Variants in SLC14A2 observed in about 807,000 individuals in gnomAD.
SLC14A2 encodes solute carrier family 14 member 2, also known as urea transporter 2.
In SLC14A2, 91 loss-of-function variants were observed where a neutral mutation model predicts 104.6. The ratio of observed to expected loss-of-function variants is 0.87; its 90% CI spans 0.73 to 1.04. The LOEUF is 1.04. SLC14A2 is among the 50% of genes least tolerant of loss of function. The pLI, the probability that SLC14A2 is intolerant of heterozygous loss-of-function variation, is 0.00. For missense variants in SLC14A2, 1,189 were observed against 1,156.0 expected (o/e 1.03, Z -0.41); for synonymous variants, 476 against 466.4 (o/e 1.02, Z -0.27).
rs530514821 is a variant in SLC14A2 at position 45,551,608 on chromosome 18, T to C, written c.-35+68286T>C. 1.2e-4 allele frequency among the ~76,000 whole-genome samples: 19 copies of C among 152,284 alleles called. No individual in the cohort carries two copies. The East Asian group carries it at 3.5e-3, about 28-fold the overall frequency. ...AAGTGAGATGTGTCAACATGAGGGC[T>C]ATCAAGTAGGGAGGCTGTAAGATGA... On this transcript the variant is annotated intron_variant, in intron 2 of 20. Coordinates refer to the SLC14A2 transcript ENST00000586448.
At chr18:45,377,867 A>T (rs911029257) in intron 1 of SLC14A2, among the ~76,000 whole-genome samples, 1 of 152,066 alleles carries the variant, frequency 6.6e-6, no homozygotes, top group African/African-American at 2.4e-5. Flanking sequence ...CTACAGTCCC[A>T]TCTTCCTGCT....
In SLC14A2 at chr18:45,436,266, G is replaced by A. The variant is rs920143760; in HGVS notation, c.-124-46967G>A. On this transcript the variant is annotated intron_variant, in intron 1 of 20. Transcript: ENST00000586448. ...GAGGCAATCAGGTCAATGTGCAAAT[G>A]GACTTATTCTGGGTGATTCCAGAAA... 5.9e-5 allele frequency among the ~76,000 whole-genome samples: 9 copies of A among 152,178 alleles called. No homozygotes were observed. In the East Asian group the frequency reaches 1.5e-3, roughly 26 times the overall value.
At chr18:45,521,377 G>A (rs1361901511) in intron 2 of SLC14A2, among the ~76,000 whole-genome samples, 1 of 152,160 alleles carries the variant, frequency 6.6e-6, no homozygotes, top group African/African-American at 2.4e-5. Context: ...CAGAAAGAGT[G>A]CACAGGGTTA....
intron 1 of SLC14A2, among the ~76,000 whole-genome samples, chr18:45,292,469 C>T (rs1020502509): frequency 1.3e-5 from 2 of 152,068 alleles, no homozygotes; most frequent in East Asian, 3.9e-4. Context: ...TGTAACACTC[C>T]GGGAATATTT....
At chr18:45,243,054 A>G (rs2084333483) in intron 1 of SLC14A2, among the ~76,000 whole-genome samples, 6 of 152,216 alleles carry the variant, frequency 3.9e-5, no homozygotes, top group East Asian at 3.8e-4. Context: ...TGGGGCTCAG[A>G]AAAAACCTTA....
intron 1 of SLC14A2, among the ~76,000 whole-genome samples, chr18:45,233,128 G>A (rs1599595000): frequency 1.3e-5 from 2 of 152,256 alleles, no homozygotes; most frequent in South Asian, 4.1e-4. Flanking sequence ...CATTGTGAAT[G>A]GTTCAACAAT....
At chr18:45,406,248 G>A (rs2086153478) in intron 1 of SLC14A2, among the ~76,000 whole-genome samples, 1 of 152,174 alleles carries the variant, frequency 6.6e-6, no homozygotes, top group Non-Finnish European at 1.5e-5. Context: ...ATCTCCACTA[G>A]GAGTAGATTC....
chr18:45,586,141 A>G (rs1477443440), intron 2 of SLC14A2, among the ~76,000 whole-genome samples: 2 of 152,238 alleles, frequency 1.3e-5, no homozygotes, highest in African/African-American at 2.4e-5. Context: ...CGGTTTTGCC[A>G]TTGCTTTCAG....
intron 1 of SLC14A2, among the ~76,000 whole-genome samples, chr18:45,304,755 G>T (rs566459153): frequency 6.6e-6 from 1 of 152,300 alleles, no homozygotes; most frequent in East Asian, 1.9e-4. Flanking sequence ...GGGACCCTGA[G>T]ATGTAGATAA....
the SLC14A2 span, among the ~76,000 whole-genome samples, chr18:45,186,264 G>A: frequency 3.3e-5 from 5 of 152,154 alleles, no homozygotes; most frequent in African/African-American, 1.2e-4. Flanking sequence ...CTGGTTTAAA[G>A]ATAGACATCA....
chr18:45,623,972 A>C (rs1029954051), intron 1 of SLC14A2, among the ~76,000 whole-genome samples: 1 of 152,192 alleles, frequency 6.6e-6, no homozygotes, highest in Admixed American at 6.5e-5. Flanking sequence ...GAAACTGAGG[A>C]CCTCAGGCAA....
intron 19 of SLC14A2, among the ~76,000 whole-genome samples, chr18:45,679,967 C>T (rs1415306130): frequency 6.6e-6 from 1 of 152,110 alleles, no homozygotes; most frequent in Admixed American, 6.6e-5. Flanking sequence ...ACAGGGACCT[C>T]ATCATATTAT....
In SLC14A2 at chr18:45,412,790, G is replaced by A. The variant is rs115717421; in HGVS notation, c.-124-70443G>A. On this transcript the variant is annotated intron_variant, in intron 1 of 20. Transcript: ENST00000586448. ...CTGTTTCTCACCTCTTTGTTGTGGG[G>A]TTCTCACAACCAAATGCTCATATGG... 1.8e-3 allele frequency among the ~76,000 whole-genome samples: 280 copies of A among 152,250 alleles called. 3 individuals carry two copies. Among genetic ancestry groups the A allele is most frequent in the African/African-American group, 6.3e-3 (260 of 41,550 alleles).
At chr18:45,277,946 G>T (rs1381290429) in intron 1 of SLC14A2, among the ~76,000 whole-genome samples, 1 of 152,126 alleles carries the variant, frequency 6.6e-6, no homozygotes, top group African/African-American at 2.4e-5. Flanking sequence ...AGTACACGCT[G>T]CTTTTACTCC....
chr18:45,621,478 C>T (rs1210252987), intron 1 of SLC14A2, among the ~76,000 whole-genome samples: 2 of 152,242 alleles, frequency 1.3e-5, no homozygotes, highest in East Asian at 3.9e-4. Context: ...TGGCCCCACG[C>T]TGTTCTGAAA....
At chr18:45,508,089 C>T (rs767116930) in intron 2 of SLC14A2, among the ~76,000 whole-genome samples, 1 of 152,230 alleles carries the variant, frequency 6.6e-6, no homozygotes, top group Non-Finnish European at 1.5e-5. Flanking sequence ...ATCCAACATG[C>T]TCAACAGAGG....
intron 2 of SLC14A2, among the ~76,000 whole-genome samples, chr18:45,610,449 C>T (rs2044953762): frequency 6.6e-6 from 1 of 152,072 alleles, no homozygotes; most frequent in Admixed American, 6.5e-5. Flanking sequence ...GGGAAGGGAC[C>T]CGGTCATCAG....
intron 1 of SLC14A2, among the ~76,000 whole-genome samples, chr18:45,215,802 G>A (rs574444681): frequency 9.2e-5 from 14 of 152,224 alleles, no homozygotes; most frequent in Admixed American, 5.2e-4. Flanking sequence ...CCCAGTACCG[G>A]TTCTTTTTAC....
intron 1 of SLC14A2, among the ~76,000 whole-genome samples, chr18:45,218,826 G>T (rs2084035015): frequency 6.6e-6 from 1 of 151,646 alleles, no homozygotes; most frequent in Non-Finnish European, 1.5e-5. Flanking sequence ...TGTGAGTGTA[G>T]CTTTCAGTAG....
Sources: gnomAD v4.1 joint callset for allele counts (sites outside exome capture counted in the v4.1 genomes callset) on GRCh38, gnomAD v4.1.1 for gene constraint, MANE v1.5 for transcripts, NCBI Gene and HGNC (gene_info 2026-07-23, HGNC 2026-07-21) for gene names.